The following PPM1E variants were observed in gnomAD, a reference collection of about 807,000 sequenced individuals.
PPM1E encodes protein phosphatase 1E.
PPM1E carries 20 observed loss-of-function variants against 65.9 expected under a neutral mutation model. The observed-to-expected ratio is 0.30, with a 90% CI of 0.21 to 0.44. The LOEUF (loss-of-function observed/expected upper bound fraction) is 0.44. Ranked by LOEUF, PPM1E falls within the 20% of genes least tolerant of loss-of-function variation. The pLI is 1.00. For missense variants in PPM1E, 713 were observed against 953.1 expected (o/e 0.75, Z 3.32); for synonymous variants, 352 against 374.9 (o/e 0.94, Z 0.70).
intron 1 of PPM1E, among the ~76,000 whole-genome samples, chr17:58,871,778 C>T (rs1406721297): frequency 6.7e-6 from 1 of 149,482 alleles, no homozygotes; most frequent in Non-Finnish European, 1.5e-5. Context: ...ATCATCGATA[C>T]TGCACTCCAG....
At chr17:58,911,394 C>T (rs936517801) in intron 1 of PPM1E, among the ~76,000 whole-genome samples, 3 of 152,122 alleles carry the variant, frequency 2.0e-5, no homozygotes, top group Admixed American at 1.3e-4. Context: ...TAGGGGATAA[C>T]ATTTAACCAC....
At chr17:58,972,702 A>C in intron 5 of PPM1E, 130 bp from the exon 6 acceptor site, 1 of 816,820 alleles carries the variant, frequency 1.2e-6, no homozygotes, top group Non-Finnish European at 2.0e-6. Flanking sequence ...AACTGTGCCC[A>C]CCCTCCAATG....
intron 1 of PPM1E, among the ~76,000 whole-genome samples, chr17:58,944,605 T>G (rs1338957596): frequency 6.6e-6 from 1 of 152,232 alleles, no homozygotes; most frequent in Admixed American, 6.5e-5. Context: ...AAGTGGTCTT[T>G]GTGACTGGCT....
chr17:58,955,042 G>A (rs2029867217), intron 1 of PPM1E, among the ~76,000 whole-genome samples: 1 of 151,736 alleles, frequency 6.6e-6, no homozygotes, highest in Non-Finnish European at 1.5e-5. Flanking sequence ...ATTATTCTCT[G>A]TCATTGTATC....
At chr17:58,902,122 C>G (rs771276695) in intron 1 of PPM1E, among the ~76,000 whole-genome samples, 8 of 151,662 alleles carry the variant, frequency 5.3e-5, no homozygotes, top group Non-Finnish European at 1.0e-4. Context: ...AAACAATGTT[C>G]TAAATTATGG....
chr17:58,785,458 T>TTTTATA (rs1428055897), intron 1 of PPM1E: 3 of 88,966 alleles, frequency 3.4e-5, no homozygotes, highest in Non-Finnish European at 6.1e-5. Flanking sequence ...CCTGGCTAAT[T>TTTTATA]TATATATATA....
intron 2 of PPM1E, among the ~76,000 whole-genome samples, chr17:58,963,158 G>T (rs1435933671): frequency 6.6e-6 from 1 of 152,084 alleles, no homozygotes; most frequent in East Asian, 1.9e-4. Context: ...GCCGAGGTGG[G>T]TGGATCACCT....
In PPM1E at chr17:58,808,192, A is replaced by G. The variant is rs1384780997; in HGVS notation, c.464+51731A>G. ...ATTTGTTTATCCATGCAGCAATTTT[A>G]TGCTGGCTTATTTACTATAATTTTA... On this transcript the variant is annotated intron_variant, in intron 1 of 6. Coordinates refer to ENST00000308249, the MANE Select transcript of PPM1E (RefSeq NM_014906.5). Among the ~76,000 whole-genome samples, 4 of 152,154 alleles carry G rather than the reference A, an allele frequency of 2.6e-5. 1 individual carries two copies. Among genetic ancestry groups the G allele is most frequent in the Admixed American group, 1.3e-4 (2 of 15,278 alleles).
intron 1 of PPM1E, among the ~76,000 whole-genome samples, chr17:58,875,035 T>TTCTA (rs2051113592): frequency 6.6e-6 from 1 of 152,156 alleles, no homozygotes. Flanking sequence ...ACTCATAAAA[T>TTCTA]CATTATTTCT....
At chr17:58,869,004 T>C (rs2051038950) in intron 1 of PPM1E, among the ~76,000 whole-genome samples, 1 of 152,054 alleles carries the variant, frequency 6.6e-6, no homozygotes, top group South Asian at 2.1e-4. Flanking sequence ...TTGTCTTTAC[T>C]AAAAATACAA....
At chr17:58,956,941 T>A (rs2029884472) in intron 2 of PPM1E, among the ~76,000 whole-genome samples, 1 of 152,156 alleles carries the variant, frequency 6.6e-6, no homozygotes, top group African/African-American at 2.4e-5. Flanking sequence ...TGACAGAAAA[T>A]CGGCAAGGAA....
intron 1 of PPM1E, among the ~76,000 whole-genome samples, chr17:58,883,312 A>G (rs2051224734): frequency 6.6e-6 from 1 of 151,658 alleles, no homozygotes; most frequent in South Asian, 2.1e-4. Flanking sequence ...AATGTTTTTT[A>G]AAAGTTTTGT....
intron 2 of PPM1E, among the ~76,000 whole-genome samples, chr17:58,962,618 T>C (rs1480919056): frequency 6.6e-6 from 1 of 152,142 alleles, no homozygotes; most frequent in African/African-American, 2.4e-5. Flanking sequence ...CTGGAAGAAA[T>C]AGTCTCTGGC....
chr17:58,859,011 T>C (rs2050911663), intron 1 of PPM1E, among the ~76,000 whole-genome samples: 1 of 152,228 alleles, frequency 6.6e-6, no homozygotes, highest in African/African-American at 2.4e-5. Flanking sequence ...AAGTATAGCG[T>C]TTATTCAAGT....
intron 1 of PPM1E, among the ~76,000 whole-genome samples, chr17:58,885,466 A>G (rs2051254742): frequency 6.6e-6 from 1 of 152,228 alleles, no homozygotes; most frequent in African/African-American, 2.4e-5. Flanking sequence ...GTGCATATTT[A>G]TTTTAAATTG....
At chr17:58,821,165 CAGTG>C (rs1171575081) in intron 1 of PPM1E, among the ~76,000 whole-genome samples, 3 of 152,116 alleles carry the variant, frequency 2.0e-5, no homozygotes, top group African/African-American at 7.2e-5. Flanking sequence ...GGCTGGAGTG[CAGTG>C]GTGCAATCTT....
Position 58,983,026 on chromosome 17 carries a change from T to C in PPM1E, c.*1995T>C. 1.9e-6 allele frequency: 2 copies of C among 1,059,484 alleles called. No individual in the cohort carries two copies. The highest frequency in any genetic ancestry group is 2.8e-6 in the Non-Finnish European group (2 of 723,292). 65.6% of individuals were successfully genotyped at this position (1,059,484 alleles called of 1,614,324 possible). ...GCTTTTTAAAATTTCTATTGTTGTCTATTGGTAATGTTTTTGATCAGAATA... is the reference window on the plus strand; with the variant it reads ...GCTTTTTAAAATTTCTATTGTTGTCCATTGGTAATGTTTTTGATCAGAATA... On this transcript the variant is annotated 3_prime_UTR_variant, in exon 7 of 7. Coordinates refer to ENST00000308249, the MANE Select transcript of PPM1E (RefSeq NM_014906.5).
intron 1 of PPM1E, among the ~76,000 whole-genome samples, chr17:58,924,751 C>A (rs1199109175): frequency 6.7e-6 from 1 of 149,354 alleles, no homozygotes; most frequent in Admixed American, 6.7e-5. Context: ...CAACTGGCCC[C>A]GGTGTGTGCT....
intron 1 of PPM1E, among the ~76,000 whole-genome samples, chr17:58,936,761 G>T (rs2051986331): frequency 6.6e-6 from 1 of 152,092 alleles, no homozygotes; most frequent in Admixed American, 6.5e-5. Flanking sequence ...ATACTATCCT[G>T]TCCATCTAAA....
Sources: gnomAD v4.1 joint callset for allele counts (sites outside exome capture counted in the v4.1 genomes callset) on GRCh38, gnomAD v4.1.1 for gene constraint, MANE v1.5 for transcripts, NCBI Gene and HGNC (gene_info 2026-07-23, HGNC 2026-07-21) for gene names.